Variants in SORCS3 observed in about 807,000 individuals in gnomAD.
SORCS3 encodes the protein VPS10 domain-containing receptor SorCS3.
Under a neutral mutation model 146.3 loss-of-function variants are expected in SORCS3, and 57 were observed. The observed-to-expected ratio is 0.39, with a 90% CI of 0.31 to 0.49. SORCS3 has a LOEUF of 0.49. Among genes scored for constraint, SORCS3 ranks in the 20% least tolerant of loss-of-function variants. SORCS3 has a pLI of 0.92. For missense variants in SORCS3, 1,341 were observed against 1,575.5 expected (o/e 0.85, Z 2.52); for synonymous variants, 653 against 618.5 (o/e 1.06, Z -0.83).
chr10:105,139,333 A>G lies in SORCS3; in HGVS notation c.1213-64A>G, dbSNP rs2056079272. 2.5e-6 allele frequency: 3 copies of G among 1,223,124 alleles called. No individual in the cohort carries two copies. In the African/African-American group the frequency reaches 4.5e-5, roughly 18 times the overall value. The allele number at this position is 1,223,124 out of a possible 1,614,324, so 75.8% of individuals were successfully genotyped here. On this transcript the variant is annotated intron_variant, in intron 7 of 26. Coordinates refer to ENST00000369701, the MANE Select transcript of SORCS3 (RefSeq NM_014978.3). ...TGTGGTTGTTGATAGAAGAGCTAAT[A>G]CTTTCCAACTTGTGCATGATCTGTG...
intron 1 of SORCS3, among the ~76,000 whole-genome samples, chr10:104,839,683 C>A (rs2018115026): frequency 2.6e-5 from 4 of 152,108 alleles, no homozygotes; most frequent in Admixed American, 1.3e-4. Flanking sequence ...AAATTGAAAC[C>A]ATCTACCATG....
At chr10:104,985,182 T>G (rs1213541307) in intron 4 of SORCS3, among the ~76,000 whole-genome samples, 1 of 152,232 alleles carries the variant, frequency 6.6e-6, no homozygotes. Context: ...GCAACCCTGA[T>G]AAATCTTGCT....
intron 14 of SORCS3, among the ~76,000 whole-genome samples, chr10:105,197,268 T>C (rs1317858048): frequency 6.6e-6 from 1 of 152,232 alleles, no homozygotes; most frequent in Non-Finnish European, 1.5e-5. Flanking sequence ...AGTCACTCTC[T>C]TCTTCAGTGG....
chr10:104,816,655 C>T (rs1430951139), intron 1 of SORCS3, among the ~76,000 whole-genome samples: 2 of 152,156 alleles, frequency 1.3e-5, no homozygotes, highest in Non-Finnish European at 2.9e-5. Flanking sequence ...AGCGCACCTT[C>T]CAGACTCATC....
At chr10:104,700,121 C>T (rs541038241) in intron 1 of SORCS3, among the ~76,000 whole-genome samples, 147 of 152,278 alleles carry the variant, frequency 9.7e-4, no homozygotes, top group African/African-American at 3.4e-3. Flanking sequence ...GGGTGGTTTG[C>T]CCTGAGCCAT....
chr10:105,205,005 A>G (rs1253242466), intron 16 of SORCS3, among the ~76,000 whole-genome samples: 1 of 152,212 alleles, frequency 6.6e-6, no homozygotes, highest in Non-Finnish European at 1.5e-5. Flanking sequence ...AGCAGGAAGT[A>G]TTATTAGCTA....
At chr10:104,862,513 T>G (rs1178722404) in intron 2 of SORCS3, among the ~76,000 whole-genome samples, 1 of 152,238 alleles carries the variant, frequency 6.6e-6, no homozygotes, top group Non-Finnish European at 1.5e-5. Context: ...CTGATTTTTT[T>G]TTTGAGAATA....
chr10:104,654,973 C>G (rs1365988623), intron 1 of SORCS3, among the ~76,000 whole-genome samples: 1 of 152,202 alleles, frequency 6.6e-6, no homozygotes, highest in African/African-American at 2.4e-5. Context: ...TAGTTTTAGG[C>G]AGGTTGCATT....
chr10:105,165,794 C>G (rs948860212), intron 12 of SORCS3, among the ~76,000 whole-genome samples: 30 of 152,166 alleles, frequency 2.0e-4, no homozygotes, highest in East Asian at 1.4e-3. Flanking sequence ...CCAACGTTGT[C>G]ACTACTTTTT....
At chr10:105,060,277 A>G (rs1016271041) in intron 5 of SORCS3, among the ~76,000 whole-genome samples, 4 of 152,116 alleles carry the variant, frequency 2.6e-5, no homozygotes, top group Non-Finnish European at 5.9e-5. Context: ...GAAAAGCATG[A>G]GGTGTGTTTA....
intron 1 of SORCS3, among the ~76,000 whole-genome samples, chr10:104,824,711 C>T (rs958377585): frequency 4.6e-5 from 7 of 152,190 alleles, no homozygotes; most frequent in Non-Finnish European, 8.8e-5. Flanking sequence ...CTGCCTTTGC[C>T]CTCATCCGAA....
intron 1 of SORCS3, among the ~76,000 whole-genome samples, chr10:104,749,360 T>C (rs1175867703): frequency 1.3e-5 from 2 of 151,980 alleles, no homozygotes; most frequent in Non-Finnish European, 2.9e-5. Context: ...TTGAACATGA[T>C]TGTGACTTCT....
chr10:104,724,211 A>G (rs997299817), intron 1 of SORCS3, among the ~76,000 whole-genome samples: 9 of 151,918 alleles, frequency 5.9e-5, no homozygotes, highest in African/African-American at 1.7e-4. Flanking sequence ...TCTGTAAAGG[A>G]TTTTATTTCT....
intron 1 of SORCS3, among the ~76,000 whole-genome samples, chr10:104,667,519 A>G (rs777386004): frequency 1.3e-5 from 2 of 152,324 alleles, no homozygotes; most frequent in Admixed American, 6.5e-5. Flanking sequence ...GACTGCTTCT[A>G]TGGTCTGCTA....
intron 2 of SORCS3, among the ~76,000 whole-genome samples, chr10:104,868,345 A>C (rs1161982559): frequency 1.3e-5 from 2 of 152,238 alleles, no homozygotes; most frequent in Non-Finnish European, 2.9e-5. Context: ...ACCCCTGAGC[A>C]ATGCATGATA....
At chr10:104,766,502 C>T (rs2017181209) in intron 1 of SORCS3, among the ~76,000 whole-genome samples, 1 of 152,180 alleles carries the variant, frequency 6.6e-6, no homozygotes, top group Admixed American at 6.5e-5. Context: ...GGGGCTGTGT[C>T]TTTGTGTTCA....
chr10:104,853,037 T>A (rs776948314), intron 2 of SORCS3, among the ~76,000 whole-genome samples: 1 of 152,132 alleles, frequency 6.6e-6, no homozygotes, highest in Non-Finnish European at 1.5e-5. Context: ...CGGTGGCTCA[T>A]GCCTGTAATC....
At chr10:104,730,961 T>C (rs1235159155) in intron 1 of SORCS3, among the ~76,000 whole-genome samples, 1 of 152,222 alleles carries the variant, frequency 6.6e-6, no homozygotes, top group African/African-American at 2.4e-5. Context: ...ATGCTGAGTT[T>C]AGGCTTTCTG....
intron 1 of SORCS3, among the ~76,000 whole-genome samples, chr10:104,713,428 G>A (rs1022649483): frequency 6.6e-6 from 1 of 152,104 alleles, no homozygotes; most frequent in Non-Finnish European, 1.5e-5. Flanking sequence ...CTAGCTGTAC[G>A]TTTTTTGGGT....
Sources: gnomAD v4.1 joint callset for allele counts (sites outside exome capture counted in the v4.1 genomes callset) on GRCh38, gnomAD v4.1.1 for gene constraint, MANE v1.5 for transcripts, NCBI Gene and HGNC (gene_info 2026-07-23, HGNC 2026-07-21) for gene names.